The following APPL2 variants were observed in gnomAD, a reference collection of about 807,000 sequenced individuals.
APPL2 encodes adaptor protein, phosphotyrosine interacting with PH domain and leucine zipper 2.
In APPL2, 84 loss-of-function variants were observed where a neutral mutation model predicts 92.7. The observed-to-expected ratio is 0.91, with a 90% CI of 0.76 to 1.09. The LOEUF (loss-of-function observed/expected upper bound fraction) is 1.09. APPL2 is among the 50% of genes least tolerant of loss of function. The probability of loss-of-function intolerance (pLI) is 0.00; values close to 1 mark genes in which losing one functional copy is unlikely to be tolerated. For synonymous variants in APPL2, 291 were observed against 291.0 expected (o/e 1.00, Z 0.00); for missense variants, 736 against 824.5 (o/e 0.89, Z 1.31).
In APPL2 at chr12:105,217,045, A is replaced by T. The variant is rs1422180579; in HGVS notation, c.285+24T>A. ...GAAAGTTCGAGAAAGAATCAAATAC[A>T]AATTTTCTATGTTGCTATCTTACCT... On this transcript the variant is annotated intron_variant, in intron 4 of 20. Transcript: ENST00000258530. 2.0e-6 allele frequency: 3 copies of T among 1,533,666 alleles called. No homozygotes were observed. In the South Asian group the frequency reaches 3.6e-5, roughly 18 times the overall value.
intron 20 of APPL2, 67 bp from the exon 21 acceptor site, chr12:105,174,515 T>TG (rs1885294858): frequency 3.3e-6 from 5 of 1,521,994 alleles, no homozygotes; most frequent in Non-Finnish European, 4.4e-6. Flanking sequence ...CCCTTTGGCC[T>TG]GGCTTTCAAT....
intron 1 of APPL2, among the ~76,000 whole-genome samples, chr12:105,234,945 C>A (rs1236873525): frequency 6.6e-6 from 1 of 152,130 alleles, no homozygotes; most frequent in Non-Finnish European, 1.5e-5. Context: ...ATGCATACAG[C>A]CCTTCGGACT....
intron 4 of APPL2, 59 bp from the exon 5 acceptor site, chr12:105,211,376 C>G: frequency 1.6e-6 from 2 of 1,272,974 alleles, no homozygotes; most frequent in Non-Finnish European, 2.3e-6. Flanking sequence ...TTGACATAGT[C>G]TCATTTCACC....
rs750791362 is a variant in APPL2, at chr12:105,174,340, G to A, written c.1969C>T (p.His657Tyr). The change falls in exon 21 of 21, where the codon CAT becomes TAT. Residue 657 changes from histidine to tyrosine, a missense_variant. His to Tyr is a moderately conservative substitution (Grantham distance 83). Transcript: ENST00000258530. The stretch of plus-strand genomic sequence containing the variant: ...TATGCTTCGGATTCTGCGCCTCTAT[G>A]TTCGTTTGGATTTCCATCATCGTCA... ...PDDDDGNPNEHRGAESEA is the reference protein window; with the variant it reads ...PDDDDGNPNEYRGAESEA 6.2e-7 allele frequency: 1 copy of A among 1,613,828 alleles called. No individual in the cohort carries two copies. The highest frequency in any genetic ancestry group is 8.5e-7 in the Non-Finnish European group (1 of 1,179,900).
Position 105,189,758 on chromosome 12 carries a change from A to C in APPL2, c.1459+14T>G. On this transcript the variant is annotated intron_variant, in intron 16 of 20. Coordinates refer to ENST00000258530, the MANE Select transcript of APPL2 (RefSeq NM_018171.5). The stretch of plus-strand genomic sequence containing the variant: ...TGCAGAGGAAAGAATAAGGACACCA[A>C]ACTAGTCACTTACCTTCTGCTTCTG... 6.2e-7 allele frequency: 1 copy of C among 1,613,908 alleles called. No individual in the cohort carries two copies. The highest frequency in any genetic ancestry group is 1.3e-5 in the African/African-American group (1 of 75,046).
intron 3 of APPL2, 28 bp from the exon 4 acceptor site, chr12:105,217,168 T>C (rs1566090256): frequency 2.6e-6 from 4 of 1,527,284 alleles, no homozygotes; most frequent in Non-Finnish European, 3.6e-6. Flanking sequence ...AAGAAGCAGG[T>C]GTTAAGTGAA....
In APPL2 at chr12:105,195,615, G is replaced by A. The variant is rs145657574; in HGVS notation, c.1065C>T (p.Leu355=). The A allele has an allele frequency of 5.6e-6, 9 of 1,614,072 alleles. No homozygotes were observed. The African/African-American group carries it at 8.0e-5, about 14-fold the overall frequency. ...CATTTTCCTTTCTGCTCTCAGCCTG[G>A]AGGATTATTCCCCTGAAACAAAAGT... ...TTPNGKSGII[L]QAESRKENEE... Residue 355 remains leucine (L), a synonymous_variant, in exon 12 of 21, where the codon CTC becomes CTT. Coordinates refer to ENST00000258530, the MANE Select transcript of APPL2 (RefSeq NM_018171.5).
intron 4 of APPL2, among the ~76,000 whole-genome samples, chr12:105,212,875 G>A (rs1361736962): frequency 6.6e-6 from 1 of 152,210 alleles, no homozygotes; most frequent in Non-Finnish European, 1.5e-5. Context: ...TGCCAGGCAA[G>A]GAAGCACCGG....
At chr12:105,185,690 T>TTA (rs958944114) in intron 17 of APPL2, among the ~76,000 whole-genome samples, 1 of 152,154 alleles carries the variant, frequency 6.6e-6, no homozygotes, top group African/African-American at 2.4e-5. Context: ...CTGTTCCTAT[T>TTA]CAGGCACCTT....
chr12:105,188,845 C>T (rs930483017), intron 16 of APPL2, among the ~76,000 whole-genome samples: 2 of 152,080 alleles, frequency 1.3e-5, no homozygotes, highest in African/African-American at 2.4e-5. Context: ...ATTTTATTTG[C>T]AGGATATAAG....
intron 20 of APPL2, 42 bp from the exon 21 acceptor site, chr12:105,174,490 A>G (rs1441378901): frequency 1.3e-6 from 2 of 1,593,910 alleles, no homozygotes; most frequent in Non-Finnish European, 1.7e-6. Context: ...GAAAAGGCTT[A>G]AGATGCATTT....
At chr12:105,225,115 C>T (rs987155982) in intron 2 of APPL2, among the ~76,000 whole-genome samples, 4 of 151,216 alleles carry the variant, frequency 2.6e-5, no homozygotes, top group Admixed American at 2.0e-4. Context: ...GTCTTAATCA[C>T]GGTTCTCATT....
chr12:105,233,372 T>C, intron 1 of APPL2: 1 of 985,448 alleles, frequency 1.0e-6, no homozygotes, highest in Non-Finnish European at 1.2e-6. Context: ...TAAGCAGAAA[T>C]AACGCATGTG....
intron 11 of APPL2, among the ~76,000 whole-genome samples, chr12:105,196,375 C>T (rs1256962010): frequency 3.3e-5 from 5 of 150,762 alleles, no homozygotes; most frequent in South Asian, 2.1e-4. Flanking sequence ...TATGGAGGCC[C>T]GGGAATAAGG....
At chr12:105,185,374 G>C (rs1263411414) in intron 17 of APPL2, among the ~76,000 whole-genome samples, 1 of 152,188 alleles carries the variant, frequency 6.6e-6, no homozygotes, top group Non-Finnish European at 1.5e-5. Context: ...TTGAAACTTA[G>C]GGCCCTGGTG....
intron 2 of APPL2, among the ~76,000 whole-genome samples, chr12:105,221,812 A>C (rs1479701847): frequency 6.6e-6 from 1 of 152,242 alleles, no homozygotes; most frequent in Non-Finnish European, 1.5e-5. Flanking sequence ...CCAAGGCAGA[A>C]AATCAAGTGG....
At chr12:105,177,555 C>A in intron 17 of APPL2, 1 of 426,966 alleles carries the variant, frequency 2.3e-6, no homozygotes, top group South Asian at 2.6e-5. Context: ...CTCAACAGAT[C>A]TGCTATATAA....
At chr12:105,223,634 G>C (rs988190204) in intron 2 of APPL2, among the ~76,000 whole-genome samples, 3 of 152,230 alleles carry the variant, frequency 2.0e-5, no homozygotes, top group Non-Finnish European at 4.4e-5. Context: ...GAGGTGGCTT[G>C]AGGAACAAAT....
rs1167380905 is a variant in APPL2 at position 105,197,922 on chromosome 12, T to C, written c.895A>G (p.Arg299Gly). The C allele has an allele frequency of 6.2e-7, 1 of 1,614,022 alleles. No homozygotes were observed. Among genetic ancestry groups the C allele is most frequent in the Non-Finnish European group, 8.5e-7 (1 of 1,180,004 alleles). Residue 299 changes from arginine (R) to glycine (G), a missense_variant, in exon 11 of 21, where the codon AGG (arginine) becomes GGG (glycine). By Grantham distance (125) the Arg-to-Gly change is moderately radical (BLOSUM62 -2). Coordinates refer to ENST00000258530, the MANE Select transcript of APPL2 (RefSeq NM_018171.5). Reference sequence around the variant, plus strand: ...CCGCCTTGGGTGAAGAAATAAAGCCTCTCCCAGGTGGTGGTGACCAGCCCT... The same window carrying C: ...CCGCCTTGGGTGAAGAAATAAAGCCCCTCCCAGGTGGTGGTGACCAGCCCT... ...KTGLVTTTWE[R>G]LYFFTQGGNL... is the part of the protein sequence containing the mutation.
Sources: gnomAD v4.1 joint callset for allele counts (sites outside exome capture counted in the v4.1 genomes callset) on GRCh38, gnomAD v4.1.1 for gene constraint, MANE v1.5 for transcripts, NCBI Gene and HGNC (gene_info 2026-07-23, HGNC 2026-07-21) for gene names.